The following EEF1AKMT1 variants were observed in gnomAD, a reference collection of about 807,000 sequenced individuals.
EEF1AKMT1 encodes the protein EEF1A lysine methyltransferase 1, also known as N-6 adenine-specific DNA methyltransferase 2 (putative).
Under a neutral mutation model 21.0 loss-of-function variants are expected in EEF1AKMT1, and 18 were observed. That is an observed-to-expected ratio of 0.86 (90% CI 0.59 to 1.27). EEF1AKMT1 has a LOEUF of 1.27. Among genes scored for constraint, EEF1AKMT1 ranks in the 50% most tolerant of loss-of-function variants. EEF1AKMT1 has a pLI of 0.00. For missense variants in EEF1AKMT1, 246 were observed against 258.6 expected, an observed-to-expected ratio of 0.95 and a Z score of 0.33; for synonymous variants, 109 against 94.8, an observed-to-expected ratio of 1.15 and a Z score of -0.87.
chr13:20,739,173 TC>T (rs2141416670), intron 2 of EEF1AKMT1, among the ~76,000 whole-genome samples: 1 of 151,340 alleles, frequency 6.6e-6, no homozygotes, highest in African/African-American at 2.5e-5. Context: ...CCGAAGTTGT[TC>T]TTTGCTCCCA....
Position 20,737,750 on chromosome 13 carries a change from G to A in EEF1AKMT1, c.200C>T (p.Ala67Val), listed in dbSNP as rs1031228318. Residue 67 changes from alanine to valine, a missense_variant, in exon 3 of 5, where the codon GCA becomes GTA. Physicochemically the swap from Ala to Val is moderately conservative, Grantham distance 64. Transcript: ENST00000382758. ...GCCACCTTCTCCTACAGCTGCAATTGCCTCCTGTGCCAGCTGCAGAGCAGT... is the reference window on the plus strand; with the variant it reads ...GCCACCTTCTCCTACAGCTGCAATTACCTCCTGTGCCAGCTGCAGAGCAGT... The part of the protein sequence containing the change: ...QETALQLAQE[A>V]IAAVGEGGRI... 3 of 1,612,738 alleles carry A rather than the reference G, an allele frequency of 1.9e-6. No homozygotes were observed. Among genetic ancestry groups the A allele is most frequent in the Non-Finnish European group, 2.5e-6 (3 of 1,179,510 alleles).
rs544063716 is a variant in EEF1AKMT1 at position 20,740,803 on chromosome 13, A to C, written c.145-2998T>G. 3.9e-3 allele frequency among the ~76,000 whole-genome samples: 597 copies of C among 152,256 alleles called. 3 individuals carry two copies. Among genetic ancestry groups the C allele is most frequent in the African/African-American group, 0.014 (567 of 41,568 alleles). On this transcript the variant is annotated intron_variant, in intron 2 of 4. Transcript: ENST00000382758. ...GGGCGACAGAGGGAGACTCAGTCTC[A>C]AAACAAAAAAACCATTGACTTCTAC...
At chr13:20,744,905 C>G (rs2058894138) in intron 2 of EEF1AKMT1, among the ~76,000 whole-genome samples, 1 of 152,134 alleles carries the variant, frequency 6.6e-6, no homozygotes. Context: ...CTGCATATGG[C>G]TAGCCAGTTT....
rs547992510 is a variant in EEF1AKMT1, at chr13:20,757,509, T to C, written c.90A>G (p.Gln30=). The change falls in exon 2 of 5, where the codon CAA becomes CAG. Residue 30 remains glutamine, a synonymous_variant. Transcript: ENST00000382758. Reference sequence around the variant, plus strand: ...ATTTATCATCCTCGCCTGGCTCAATTTGTTGCTTTTGCTCAGCATAAAATT... The same window carrying C: ...ATTTATCATCCTCGCCTGGCTCAATCTGTTGCTTTTGCTCAGCATAAAATT... ...LQEFYAEQKQ[Q]IEPGEDDKYN... is the part of the protein sequence containing the mutation. 1.1e-5 allele frequency: 18 copies of C among 1,614,166 alleles called. No individual in the cohort carries two copies. The Admixed American group carries it at 1.3e-4, about 12-fold the overall frequency.
intron 2 of EEF1AKMT1, among the ~76,000 whole-genome samples, chr13:20,748,726 G>GTTGTTGTTTTTT (rs2058924339): frequency 1.4e-5 from 1 of 72,622 alleles, no homozygotes; most frequent in African/African-American, 6.3e-5. Flanking sequence ...TTTTTTTTTG[G>GTTGTTGTTTTTT]TTTTTTTTTT....
chr13:20,753,873 C>T (rs1008435069), intron 2 of EEF1AKMT1, among the ~76,000 whole-genome samples: 2 of 151,642 alleles, frequency 1.3e-5, no homozygotes, highest in Non-Finnish European at 2.9e-5. Context: ...TTCTTTAAAT[C>T]TGTTCAGGCA....
At chr13:20,749,566 G>A (rs939987372) in intron 2 of EEF1AKMT1, among the ~76,000 whole-genome samples, 1 of 152,138 alleles carries the variant, frequency 6.6e-6, no homozygotes, top group Admixed American at 6.5e-5. Flanking sequence ...ACGAGTAATA[G>A]TTTAGCTGGG....
intron 4 of EEF1AKMT1, among the ~76,000 whole-genome samples, chr13:20,730,233 G>A (rs8000346): frequency 2.0e-5 from 3 of 152,180 alleles, no homozygotes; most frequent in Non-Finnish European, 4.4e-5. Context: ...GAGCACTGCA[G>A]AGAGCTCAAG....
At chr13:20,772,270 A>C (rs1342935159) in intron 1 of EEF1AKMT1, among the ~76,000 whole-genome samples, 1 of 152,016 alleles carries the variant, frequency 6.6e-6, no homozygotes, top group East Asian at 1.9e-4. Flanking sequence ...ACTTGTACCT[A>C]TGGATTATAT....
At position 20,739,279 on chromosome 13, in the gene EEF1AKMT1, G is replaced by A. The variant is rs541800251; in HGVS notation, c.145-1474C>T. ...AAGGCAACGCAGACCCAAACAGTGA[G>A]CAGCAGTAACATTTATTGTGAGGAG... On this transcript the variant is annotated intron_variant, in intron 2 of 4. Transcript: ENST00000382758. Among the ~76,000 whole-genome samples the A allele has an allele frequency of 6.6e-5, 10 of 152,338 alleles. No homozygotes were observed. The South Asian group carries it at 8.3e-4, about 13-fold the overall frequency.
chr13:20,754,497 T>A (rs1037813648), intron 2 of EEF1AKMT1, among the ~76,000 whole-genome samples: 6 of 152,218 alleles, frequency 3.9e-5, no homozygotes, highest in African/African-American at 1.4e-4. Context: ...TGGGAATCTC[T>A]AAGCTTCCTG....
chr13:20,766,918 AC>A (rs1276961977), intron 1 of EEF1AKMT1, among the ~76,000 whole-genome samples: 31 of 152,342 alleles, frequency 2.0e-4, no homozygotes, highest in African/African-American at 5.8e-4. Context: ...TTGTTGTCAT[AC>A]ATTTTACTTT....
chr13:20,765,885 CTTGTCATG>C (rs2059028370), intron 1 of EEF1AKMT1, among the ~76,000 whole-genome samples: 1 of 151,800 alleles, frequency 6.6e-6, no homozygotes, highest in African/African-American at 2.4e-5. Context: ...GGTATTCAAC[CTTGTCATG>C]AGGGAATGCA....
chr13:20,750,378 T>TA (rs1292101731), intron 2 of EEF1AKMT1, among the ~76,000 whole-genome samples: 1 of 152,194 alleles, frequency 6.6e-6, no homozygotes, highest in Non-Finnish European at 1.5e-5. Flanking sequence ...CTCTGGTATC[T>TA]ATCATTCTAT....
Position 20,745,034 on chromosome 13 carries a change from A to G in EEF1AKMT1, c.145-7229T>C, listed in dbSNP as rs1184396626. 3.3e-5 allele frequency among the ~76,000 whole-genome samples: 5 copies of G among 152,084 alleles called. No individual in the cohort carries two copies. In the East Asian group the frequency reaches 9.6e-4, roughly 29 times the overall value. ...ATTTCTGAGATCTCTGTTCTGTTCC[A>G]TTGGTCTATATATCTGTTTTGGCAA... is the stretch of plus-strand genomic sequence containing the variant. On this transcript the variant is annotated intron_variant, in intron 2 of 4. Transcript: ENST00000382758.
intron 3 of EEF1AKMT1, among the ~76,000 whole-genome samples, chr13:20,734,140 A>G (rs1475627638): frequency 1.3e-5 from 2 of 152,238 alleles, no homozygotes; most frequent in African/African-American, 4.8e-5. Flanking sequence ...ACCAAAGATT[A>G]TATATGCACA....
At chr13:20,747,985 TA>T in intron 2 of EEF1AKMT1, 1 of 246,696 alleles carries the variant, frequency 4.1e-6, no homozygotes, top group South Asian at 6.6e-5. Context: ...TTCATAAATC[TA>T]GTTTTTCCAG....
intron 4 of EEF1AKMT1, among the ~76,000 whole-genome samples, chr13:20,731,140 C>T (rs1325504972): frequency 6.6e-6 from 1 of 151,910 alleles, no homozygotes; most frequent in African/African-American, 2.4e-5. Flanking sequence ...CCTCCATCTC[C>T]CAAATGGCGG....
chr13:20,739,011 G>A (rs764323382), intron 2 of EEF1AKMT1, among the ~76,000 whole-genome samples: 1 of 152,194 alleles, frequency 6.6e-6, no homozygotes, highest in Non-Finnish European at 1.5e-5. Flanking sequence ...AGTGTGCCCA[G>A]AGTTCCTTCC....
Sources: allele counts gnomAD v4.1 joint callset (sites outside exome capture counted in the v4.1 genomes callset), GRCh38; gene constraint gnomAD v4.1.1; transcripts MANE v1.5; gene names NCBI Gene and HGNC (gene_info 2026-07-23, HGNC 2026-07-21).